Variants in PCDHA6 observed in about 807,000 individuals in gnomAD.
PCDHA6 encodes the protein protocadherin alpha-6.
PCDHA6 carries 55 observed loss-of-function variants against 60.3 expected under a neutral mutation model. That is an observed-to-expected ratio of 0.91 (90% confidence interval 0.73 to 1.14). PCDHA6 has a LOEUF of 1.14. PCDHA6 is among the 50% of genes most tolerant of loss of function. The pLI, the probability that PCDHA6 is intolerant of heterozygous loss-of-function variation, is 0.00. For synonymous variants in PCDHA6, 652 were observed against 557.9 expected, an observed-to-expected ratio of 1.17 and a Z score of -2.38; for missense variants, 1,327 against 1,256.5, an observed-to-expected ratio of 1.06 and a Z score of -0.85.
Position 140,943,173 on chromosome 5 carries a change from G to A in PCDHA6, c.2395-35776G>A, listed in dbSNP as rs143950290. On this transcript the variant is annotated intron_variant, in intron 1 of 3. Coordinates refer to ENST00000529310, the MANE Select transcript of PCDHA6 (RefSeq NM_018909.4). ...CTCTGGAGGCTGAGGCAGGAAAATC[G>A]CTTGAACCCTGGAGGTGGAGGCTGC... is the stretch of plus-strand genomic sequence containing the variant. Among the ~76,000 whole-genome samples the A allele has an allele frequency of 5.6e-3, 834 of 148,712 alleles. 7 individuals are homozygous for A. Among genetic ancestry groups the A allele is most frequent in the African/African-American group, 0.019 (751 of 40,052 alleles).
chr5:140,901,092 T>C (rs1374524038), intron 1 of PCDHA6, among the ~76,000 whole-genome samples: 5 of 152,228 alleles, frequency 3.3e-5, no homozygotes, highest in African/African-American at 1.2e-4. Context: ...TTGAGCTCCT[T>C]CTACATTCTG....
At chr5:140,898,720 T>C (rs1343662110) in intron 1 of PCDHA6, among the ~76,000 whole-genome samples, 5 of 152,214 alleles carry the variant, frequency 3.3e-5, no homozygotes, top group African/African-American at 4.8e-5. Flanking sequence ...TTTCCAATTC[T>C]GTGAAGAAAG....
intron 1 of PCDHA6, chr5:140,848,897 A>T (rs1554142535): frequency 6.2e-7 from 1 of 1,605,658 alleles, no homozygotes. Context: ...CAGTGTTCCC[A>T]GCGACACAAA....
Position 141,009,908 on chromosome 5 carries a change from A to G in PCDHA6, c.2824A>G (p.Asn942Asp), listed in dbSNP as rs1295693430. The G allele has an allele frequency of 6.2e-7, 1 of 1,612,848 alleles. No individual in the cohort carries two copies. Among genetic ancestry groups the G allele is most frequent in the Non-Finnish European group, 8.5e-7 (1 of 1,179,798 alleles). Residue 942 changes from asparagine to aspartate, a missense_variant, in exon 4 of 4, where the codon AAC (asparagine) becomes GAC (aspartate). By Grantham distance (23) the Asn-to-Asp change is conservative (BLOSUM62 1). Transcript: ENST00000529310. Reference sequence around the variant, plus strand: ...GACCCAGGAGAAAAAAGAGAAAGGGAACAGCACGACTGACAACAGTGACCA... The same window carrying G: ...GACCCAGGAGAAAAAAGAGAAAGGGGACAGCACGACTGACAACAGTGACCA... ...NKTQEKKEKG[N>D]STTDNSDQ
At chr5:140,946,705 T>A (rs246053) in intron 1 of PCDHA6, among the ~76,000 whole-genome samples, 81,982 of 146,914 alleles carry the variant, frequency 0.56, 23,474 homozygotes, top group African/African-American at 0.69. Context: ...AATCTGGAGG[T>A]CATTATGTTT....
intron 1 of PCDHA6, among the ~76,000 whole-genome samples, chr5:140,943,664 T>G (rs1404337303): frequency 6.6e-6 from 1 of 151,998 alleles, no homozygotes; most frequent in Non-Finnish European, 1.5e-5. Flanking sequence ...GAACAATGTA[T>G]AAAGTGTGAA....
In PCDHA6 at chr5:140,853,519, C is replaced by G. The variant is rs73793503; in HGVS notation, c.2394+23034C>G. ...GAATCATGAAACAATAATGAAGCTCCTCCTATGTCTCTTTTCAAGTTGTAA... is the reference window on the plus strand; with the variant it reads ...GAATCATGAAACAATAATGAAGCTCGTCCTATGTCTCTTTTCAAGTTGTAA... On this transcript the variant is annotated intron_variant, in intron 1 of 3. Transcript: ENST00000529310. The G allele has an allele frequency of 2.2e-3, 2,124 of 976,444 alleles. 135 individuals are homozygous for G. The African/African-American group carries it at 0.036, about 16-fold the overall frequency. The allele number at this position is 976,444 out of a possible 1,614,324, so 60.5% of individuals were successfully genotyped here. A position where few individuals can be genotyped will look rare whatever the true frequency, so the allele number is the denominator to read the frequency against.
At chr5:140,921,676 T>A (rs2080324583) in intron 1 of PCDHA6, among the ~76,000 whole-genome samples, 1 of 152,178 alleles carries the variant, frequency 6.6e-6, no homozygotes, top group South Asian at 2.1e-4. Flanking sequence ...ACAGTTATCA[T>A]CAAACACTGG....
chr5:140,966,930 G>A (rs1554228913), intron 1 of PCDHA6: 1 of 1,603,704 alleles, frequency 6.2e-7, no homozygotes, highest in Middle Eastern at 1.7e-4. Flanking sequence ...CAGGCACCCG[G>A]CGCGCTCGTG....
chr5:140,941,256 T>TTTC (rs2092982969), intron 1 of PCDHA6, among the ~76,000 whole-genome samples: 1 of 45,974 alleles, frequency 2.2e-5, no homozygotes, highest in African/African-American at 7.5e-5. Flanking sequence ...TCTTTCTTTC[T>TTTC]CTTTCTTTCT....
chr5:140,841,274 C>A, intron 1 of PCDHA6: 1 of 1,518,266 alleles, frequency 6.6e-7, no homozygotes. Flanking sequence ...TACAGTCGTT[C>A]ATCTTTATAT....
Position 140,843,466 on chromosome 5 carries a change from G to T in PCDHA6, c.2394+12981G>T. ...TATCCAGCCTGCTGGTGCTCACGCT[G>T]CTGCTGTACACTGCGCTGCGGTGCT... On this transcript the variant is annotated intron_variant, in intron 1 of 3. Coordinates refer to ENST00000529310, the MANE Select transcript of PCDHA6 (RefSeq NM_018909.4). 2 of 1,596,074 alleles carry T rather than the reference G, an allele frequency of 1.3e-6. 1 individual carries two copies.
At chr5:140,858,949 G>A in intron 1 of PCDHA6, 1 of 158,970 alleles carries the variant, frequency 6.3e-6, no homozygotes, top group Non-Finnish European at 1.4e-5. Flanking sequence ...AGTGATTACA[G>A]CTTTTTCTCA....
chr5:140,903,721 C>T (rs2070530222), intron 1 of PCDHA6, among the ~76,000 whole-genome samples: 1 of 152,152 alleles, frequency 6.6e-6, no homozygotes, highest in African/African-American at 2.4e-5. Flanking sequence ...ACAATTCTCC[C>T]TATTATCAAT....
chr5:140,849,752 C>T, intron 1 of PCDHA6: 1 of 1,598,394 alleles, frequency 6.3e-7, no homozygotes. Flanking sequence ...AGAGTGTGTC[C>T]GCCTACGAGC....
chr5:140,986,372 G>A lies in PCDHA6; in HGVS notation c.2542+3809G>A, dbSNP rs570215048. ...TCTTCAGATGGAGGAATGCGTTTTG[G>A]GGGGAGGGACATTAAAGGGCCAGTC... On this transcript the variant is annotated intron_variant, in intron 3 of 3. Coordinates refer to ENST00000529310, the MANE Select transcript of PCDHA6 (RefSeq NM_018909.4). Among the ~76,000 whole-genome samples, 23 of 152,248 alleles carry A rather than the reference G, an allele frequency of 1.5e-4. No homozygotes were observed. In the East Asian group the frequency reaches 1.7e-3, roughly 12 times the overall value.
intron 1 of PCDHA6, chr5:140,867,901 G>A (rs1554161610): frequency 1.3e-5 from 2 of 152,058 alleles, no homozygotes; most frequent in African/African-American, 4.8e-5. Flanking sequence ...GGTACTTACA[G>A]AAGGTATAAT....
At chr5:140,915,368 T>G (rs1281630689) in intron 1 of PCDHA6, among the ~76,000 whole-genome samples, 1 of 152,216 alleles carries the variant, frequency 6.6e-6, no homozygotes, top group Non-Finnish European at 1.5e-5. Flanking sequence ...TACCAGTAAG[T>G]GTCTCGGCAT....
chr5:140,937,197 C>T (rs1228010742), intron 1 of PCDHA6, among the ~76,000 whole-genome samples: 2 of 151,938 alleles, frequency 1.3e-5, no homozygotes, highest in African/African-American at 2.4e-5. Flanking sequence ...GCCACCATGC[C>T]CGGCTAATTT....
Sources: allele counts gnomAD v4.1 joint callset (sites outside exome capture counted in the v4.1 genomes callset), GRCh38; gene constraint gnomAD v4.1.1; transcripts MANE v1.5; gene names NCBI Gene and HGNC (gene_info 2026-07-23, HGNC 2026-07-21).